Variants in RBFOX1 observed in about 807,000 individuals in gnomAD.
The protein encoded by RBFOX1 is RNA binding fox-1 homolog 1.
A neutral mutation model predicts 57.7 loss-of-function variants in RBFOX1; 8 were observed. That is an observed-to-expected ratio of 0.14 (90% CI 0.08 to 0.25). The LOEUF (loss-of-function observed/expected upper bound fraction) is 0.25. Ranked by LOEUF, RBFOX1 falls within the 10% of genes least tolerant of loss-of-function variation. The pLI is 1.00. For missense variants in RBFOX1, 611 were observed against 548.5 expected (o/e 1.11, Z -1.14); for synonymous variants, 326 against 222.4 (o/e 1.47, Z -4.15).
intron 1 of RBFOX1, among the ~76,000 whole-genome samples, chr16:6,042,611 A>G (rs538765215): frequency 1.3e-5 from 2 of 152,198 alleles, no homozygotes; most frequent in African/African-American, 2.4e-5. Flanking sequence ...TCTGGAAGAT[A>G]TTTAAAGAGG....
intron 1 of RBFOX1, among the ~76,000 whole-genome samples, chr16:5,451,811 C>T (rs554396333): frequency 1.3e-5 from 2 of 152,246 alleles, no homozygotes; most frequent in Admixed American, 6.5e-5. Flanking sequence ...CTCTCCAGCC[C>T]TTTCAAGTTT....
intron 4 of RBFOX1, among the ~76,000 whole-genome samples, chr16:5,907,716 CTATT>C (rs2058494979): frequency 7.3e-6 from 1 of 137,318 alleles, no homozygotes; most frequent in Non-Finnish European, 1.5e-5. Flanking sequence ...CTCAAGGAGA[CTATT>C]TATCATCATC....
At chr16:7,441,263 A>G (rs558584505) in intron 4 of RBFOX1, among the ~76,000 whole-genome samples, 76 of 152,346 alleles carry the variant, frequency 5.0e-4, no homozygotes, top group Non-Finnish European at 9.0e-4. Context: ...TGCTTTAAGA[A>G]CAATCAGCAT....
intron 1 of RBFOX1, among the ~76,000 whole-genome samples, chr16:6,075,173 C>T (rs35779952): frequency 0.39 from 59,138 of 152,046 alleles, 12,661 homozygotes; most frequent in Non-Finnish European, 0.5. Context: ...CAACGTCAGA[C>T]ACGAAGCATG....
intron 5 of RBFOX1, among the ~76,000 whole-genome samples, chr16:7,553,923 A>G (rs557069776): frequency 3.3e-5 from 5 of 152,188 alleles, no homozygotes; most frequent in Admixed American, 1.3e-4. Flanking sequence ...CCATTAGTGT[A>G]TGTCAGGCTC....
At chr16:5,391,912 C>T (rs1256518047) in intron 1 of RBFOX1, among the ~76,000 whole-genome samples, 1 of 151,354 alleles carries the variant, frequency 6.6e-6, no homozygotes, top group East Asian at 2.0e-4. Flanking sequence ...CACACACGCA[C>T]ACACATATAT....
intron 2 of RBFOX1, among the ~76,000 whole-genome samples, chr16:6,493,433 C>G (rs976091339): frequency 7.2e-5 from 11 of 152,110 alleles, no homozygotes; most frequent in Admixed American, 2.0e-4. Context: ...TCCTTATCCT[C>G]CCAGCTGTGT....
intron 4 of RBFOX1, among the ~76,000 whole-genome samples, chr16:7,438,791 C>G (rs1274942145): frequency 6.6e-6 from 1 of 152,144 alleles, no homozygotes; most frequent in Admixed American, 6.5e-5. Flanking sequence ...AATTCAATAG[C>G]GTAGCCTTGA....
chr16:5,882,631 GGGACAC>G (rs2057790436), intron 4 of RBFOX1, among the ~76,000 whole-genome samples: 1 of 152,156 alleles, frequency 6.6e-6, no homozygotes, highest in Non-Finnish European at 1.5e-5. Flanking sequence ...AACATTTGAG[GGGACAC>G]TCTCACAGTA....
chr16:7,422,008 G>T (rs1192592738), intron 4 of RBFOX1, among the ~76,000 whole-genome samples: 6 of 152,152 alleles, frequency 3.9e-5, no homozygotes, highest in African/African-American at 9.7e-5. Context: ...AAAACCCTCA[G>T]AGGCTCTGAG....
intron 2 of RBFOX1, among the ~76,000 whole-genome samples, chr16:6,431,206 TA>T (rs1261265845): frequency 6.6e-6 from 1 of 151,706 alleles, no homozygotes; most frequent in Non-Finnish European, 1.5e-5. Context: ...TGCACTAAGT[TA>T]GGGGTAATGG....
chr16:6,804,023 T>C (rs76801028), intron 3 of RBFOX1, among the ~76,000 whole-genome samples: 2 of 152,170 alleles, frequency 1.3e-5, no homozygotes, highest in South Asian at 2.1e-4. Context: ...TTTTTTTTTT[T>C]CGAGATGGAG....
intron 1 of RBFOX1, among the ~76,000 whole-genome samples, chr16:6,069,453 C>G (rs975014900): frequency 9.9e-5 from 15 of 150,854 alleles, no homozygotes; most frequent in Non-Finnish European, 2.2e-4. Context: ...AGAAGAACCA[C>G]CCTACTAAGT....
chr16:7,038,392 G>T (rs2045164175), intron 3 of RBFOX1, among the ~76,000 whole-genome samples: 1 of 152,154 alleles, frequency 6.6e-6, no homozygotes, highest in Non-Finnish European at 1.5e-5. Context: ...AATCATCTTT[G>T]TAATAACTGC....
chr16:5,899,910 C>T (rs924553566), intron 4 of RBFOX1, among the ~76,000 whole-genome samples: 15 of 152,026 alleles, frequency 9.9e-5, no homozygotes, highest in African/African-American at 3.6e-4. Context: ...CCTGTCTCTA[C>T]AAAAATACAA....
intron 4 of RBFOX1, among the ~76,000 whole-genome samples, chr16:7,302,775 G>T (rs2096065033): frequency 6.8e-6 from 1 of 147,284 alleles, no homozygotes; most frequent in Non-Finnish European, 1.5e-5. Flanking sequence ...GACCAAGGAC[G>T]AGTTAGAGTC....
chr16:6,386,323 C>T (rs943055935), intron 2 of RBFOX1, among the ~76,000 whole-genome samples: 10 of 152,092 alleles, frequency 6.6e-5, no homozygotes, highest in South Asian at 2.1e-4. Flanking sequence ...ACACCAATAC[C>T]CGTAAAGGTC....
intron 1 of RBFOX1, among the ~76,000 whole-genome samples, chr16:6,020,768 G>C (rs867736986): frequency 1.3e-5 from 2 of 152,078 alleles, no homozygotes; most frequent in South Asian, 2.1e-4. Context: ...CTAGTGGGGC[G>C]CCGCTCCCAT....
chr16:6,831,909 G>T (rs554183973), intron 3 of RBFOX1, among the ~76,000 whole-genome samples: 3 of 152,140 alleles, frequency 2.0e-5, no homozygotes, highest in Non-Finnish European at 2.9e-5. Context: ...TACTTCTGAC[G>T]AAGAACTTAC....
Sources: gnomAD v4.1 joint callset for allele counts (sites outside exome capture counted in the v4.1 genomes callset) on GRCh38, gnomAD v4.1.1 for gene constraint, MANE v1.5 for transcripts, NCBI Gene and HGNC (gene_info 2026-07-23, HGNC 2026-07-21) for gene names.